The following XKR6 variants were observed in gnomAD, a reference collection of about 807,000 sequenced individuals.
The protein encoded by XKR6 is XK related 6.
XKR6 carries 22 observed loss-of-function variants against 56.7 expected under a neutral mutation model. The observed-to-expected ratio is 0.39, with a 90% CI of 0.28 to 0.55. The LOEUF (loss-of-function observed/expected upper bound fraction) is 0.55. XKR6 is among the 20% of genes least tolerant of loss of function. The pLI, the probability that XKR6 is intolerant of heterozygous loss-of-function variation, is 0.66. For synonymous variants in XKR6, 524 were observed against 387.8 expected (o/e 1.35, Z -4.13); for missense variants, 852 against 889.0 (o/e 0.96, Z 0.53).
At chr8:10,996,083 G>C (rs1026837193) in intron 1 of XKR6, among the ~76,000 whole-genome samples, 1 of 152,202 alleles carries the variant, frequency 6.6e-6, no homozygotes, top group Non-Finnish European at 1.5e-5. Flanking sequence ...GATATAAATG[G>C]AGAGAGGGAT....
intron 1 of XKR6, among the ~76,000 whole-genome samples, chr8:11,044,278 A>C (rs1460712633): frequency 6.6e-6 from 1 of 152,218 alleles, no homozygotes; most frequent in Non-Finnish European, 1.5e-5. Context: ...ATGGAACATA[A>C]AGTGCATGTT....
At chr8:11,045,459 T>C (rs1161733518) in intron 1 of XKR6, among the ~76,000 whole-genome samples, 3 of 152,204 alleles carry the variant, frequency 2.0e-5, no homozygotes, top group Non-Finnish European at 4.4e-5. Context: ...GAGGGGAGGA[T>C]GGGCAGCTAT....
intron 1 of XKR6, among the ~76,000 whole-genome samples, chr8:11,162,306 C>T (rs1212551308): frequency 1.3e-5 from 2 of 152,104 alleles, no homozygotes; most frequent in Non-Finnish European, 2.9e-5. Flanking sequence ...CCAGGAAAAG[C>T]CGCCTTCTCC....
At position 11,170,654 on chromosome 8, in the gene XKR6, A is replaced by C. The variant is rs1286645202; in HGVS notation, c.764+29922T>G. 3.3e-5 allele frequency among the ~76,000 whole-genome samples: 5 copies of C among 152,368 alleles called. 1 individual carries two copies. Among genetic ancestry groups the C allele is most frequent in the African/African-American group, 9.6e-5 (4 of 41,578 alleles). On this transcript the variant is annotated intron_variant, in intron 1 of 2. Transcript: ENST00000416569. Reference sequence around the variant, plus strand: ...AATCGTTGCACAACTCTGTGAAGATACAAAAAACAATCGCACAATCTAAGT... The same window carrying C: ...AATCGTTGCACAACTCTGTGAAGATCCAAAAAACAATCGCACAATCTAAGT...
At chr8:11,190,112 G>T (rs538575155) in intron 1 of XKR6, among the ~76,000 whole-genome samples, 2 of 150,948 alleles carry the variant, frequency 1.3e-5, no homozygotes, top group Non-Finnish European at 2.9e-5. Context: ...AGCCGAGATC[G>T]CGCCACCGCA....
At chr8:11,042,817 A>G (rs908988286) in intron 1 of XKR6, among the ~76,000 whole-genome samples, 1 of 152,166 alleles carries the variant, frequency 6.6e-6, no homozygotes, top group African/African-American at 2.4e-5. Context: ...CCAGCAGTGG[A>G]CCCTTCCATG....
chr8:10,912,378 G>C (rs931889051), intron 2 of XKR6, among the ~76,000 whole-genome samples: 1 of 132,016 alleles, frequency 7.6e-6, no homozygotes, highest in Non-Finnish European at 1.6e-5. Context: ...TATATATAGA[G>C]AGAAGGTGAG....
chr8:11,189,299 T>C (rs1054062456), intron 1 of XKR6, among the ~76,000 whole-genome samples: 5 of 152,234 alleles, frequency 3.3e-5, no homozygotes, highest in Admixed American at 2.6e-4. Flanking sequence ...GGATCATCTG[T>C]GTTCATAATA....
intron 1 of XKR6, among the ~76,000 whole-genome samples, chr8:11,075,519 T>G (rs1800250883): frequency 6.6e-6 from 1 of 152,108 alleles, no homozygotes. Context: ...CCAGCCACAT[T>G]CACAACTCAA....
chr8:11,014,312 A>T (rs1397719732), intron 1 of XKR6, among the ~76,000 whole-genome samples: 1 of 152,236 alleles, frequency 6.6e-6, no homozygotes, highest in East Asian at 1.9e-4. Flanking sequence ...AAACTGTTTT[A>T]AAAATGACCA....
At chr8:11,103,595 G>C (rs1273699357) in intron 1 of XKR6, among the ~76,000 whole-genome samples, 1 of 152,140 alleles carries the variant, frequency 6.6e-6, no homozygotes, top group African/African-American at 2.4e-5. Context: ...GGGCTGTAAA[G>C]GGTCACTGAG....
intron 1 of XKR6, among the ~76,000 whole-genome samples, chr8:11,112,367 T>C (rs542821157): frequency 1.6e-4 from 24 of 152,276 alleles, no homozygotes; most frequent in African/African-American, 1.4e-4. Flanking sequence ...CTAAGAAAGA[T>C]GCTCTTCAAA....
intron 1 of XKR6, among the ~76,000 whole-genome samples, chr8:11,152,430 G>C (rs1284460119): frequency 6.6e-6 from 1 of 152,074 alleles, no homozygotes; most frequent in Non-Finnish European, 1.5e-5. Context: ...TAAAAATCTA[G>C]ATACATAATA....
At chr8:11,187,768 G>C (rs746157237) in intron 1 of XKR6, among the ~76,000 whole-genome samples, 1 of 152,138 alleles carries the variant, frequency 6.6e-6, no homozygotes, top group Non-Finnish European at 1.5e-5. Flanking sequence ...GCACATGAAG[G>C]CTACACTCTG....
intron 1 of XKR6, among the ~76,000 whole-genome samples, chr8:11,116,274 C>T (rs902502859): frequency 3.3e-5 from 5 of 152,130 alleles, no homozygotes; most frequent in Non-Finnish European, 2.9e-5. Context: ...ACCCTTTTTC[C>T]ACTCTAAGTC....
At chr8:10,976,199 C>G (rs548978498) in intron 1 of XKR6, among the ~76,000 whole-genome samples, 5 of 152,094 alleles carry the variant, frequency 3.3e-5, no homozygotes, top group South Asian at 2.1e-4. Context: ...AGTGCCCCCC[C>G]CCAACCTCGC....
rs1176762047 is a variant in XKR6, at chr8:10,937,591, CT to C, written c.765-12762del. Reference sequence around the variant, plus strand: ...CAGATGGGTTTTCGGTGTGGATGTCCTTTCTGTTTGTTAGTTTTCCTTCTAA... The same window carrying C: ...CAGATGGGTTTTCGGTGTGGATGTCCTTCTGTTTGTTAGTTTTCCTTCTAA... On this transcript the variant is annotated intron_variant, in intron 1 of 2. Transcript: ENST00000416569. Among the ~76,000 whole-genome samples the C allele has an allele frequency of 1.3e-3, 198 of 149,556 alleles. 1 individual carries two copies. Among genetic ancestry groups the C allele is most frequent in the African/African-American group, 4.6e-3 (189 of 40,646 alleles).
chr8:11,038,493 C>T (rs905132885), intron 1 of XKR6, among the ~76,000 whole-genome samples: 1 of 128,110 alleles, frequency 7.8e-6, no homozygotes, highest in African/African-American at 2.8e-5. Context: ...TAATTGTAGT[C>T]ATTTTGTGTG....
At chr8:11,097,187 G>A (rs1798289620) in intron 1 of XKR6, among the ~76,000 whole-genome samples, 1 of 152,156 alleles carries the variant, frequency 6.6e-6, no homozygotes, top group South Asian at 2.1e-4. Flanking sequence ...TAGCCCACTT[G>A]GTCCCACTCA....
Sources: allele counts gnomAD v4.1 joint callset (sites outside exome capture counted in the v4.1 genomes callset), GRCh38; gene constraint gnomAD v4.1.1; transcripts MANE v1.5; gene names NCBI Gene and HGNC (gene_info 2026-07-23, HGNC 2026-07-21).